U2SURP: variants seen among roughly 807,000 people sequenced by gnomAD.
U2SURP encodes the protein U2 snRNP associated SURP domain containing.
Under a neutral mutation model 144.9 loss-of-function variants are expected in U2SURP, and 9 were observed. The observed-to-expected ratio is 0.06, with a 90% CI of 0.04 to 0.11. The LOEUF is 0.11. Ranked by LOEUF, U2SURP falls within the 10% of genes least tolerant of loss-of-function variation. The pLI, the probability that U2SURP is intolerant of heterozygous loss-of-function variation, is 1.00. For synonymous variants in U2SURP, 408 were observed against 396.8 expected, an observed-to-expected ratio of 1.03 and a Z score of -0.33; for missense variants, 724 against 1,226.7, an observed-to-expected ratio of 0.59 and a Z score of 6.12.
intron 20 of U2SURP, 179 bp from the exon 21 acceptor site, chr3:143,037,000 A>T: frequency 1.7e-6 from 1 of 593,374 alleles, no homozygotes; most frequent in Non-Finnish European, 2.8e-6. Flanking sequence ...GGTAAATATT[A>T]GATAAATGCA....
In U2SURP at chr3:143,014,423, T is replaced by C. The variant is rs1237457246; in HGVS notation, c.321+14T>C. 18 of 1,548,632 alleles carry C rather than the reference T, an allele frequency of 1.2e-5. No individual in the cohort carries two copies. The highest frequency in any genetic ancestry group is 1.6e-5 in the Non-Finnish European group (18 of 1,127,496). ...TTAAAGAAAAAGGTAATGTTGAAAA[T>C]GTATTTTGAATTATCCTTGGAAATG... is the stretch of plus-strand genomic sequence containing the variant. On this transcript the variant is annotated intron_variant, in intron 4 of 27. Coordinates refer to ENST00000473835, the MANE Select transcript of U2SURP (RefSeq NM_001080415.2).
chr3:143,008,011 G>C (rs1935933865), intron 1 of U2SURP, among the ~76,000 whole-genome samples: 1 of 152,216 alleles, frequency 6.6e-6, no homozygotes, highest in South Asian at 2.1e-4. Context: ...AAAATGTCTG[G>C]TTTGCAGTAA....
At chr3:143,040,035 C>T (rs1018967038) in intron 23 of U2SURP, among the ~76,000 whole-genome samples, 1 of 151,782 alleles carries the variant, frequency 6.6e-6, no homozygotes, top group Non-Finnish European at 1.5e-5. Context: ...GTTTTCTGAA[C>T]CCTTTTTATG....
At chr3:143,042,549 A>G (rs961366210) in intron 23 of U2SURP, among the ~76,000 whole-genome samples, 1 of 151,996 alleles carries the variant, frequency 6.6e-6, no homozygotes, top group Non-Finnish European at 1.5e-5. Flanking sequence ...TGCACCTGTC[A>G]CCTGAACAAT....
At chr3:143,020,084 A>G in intron 7 of U2SURP, 48 bp downstream of exon 7, 1 of 1,167,590 alleles carries the variant, frequency 8.6e-7, no homozygotes, top group South Asian at 1.7e-5. Context: ...TATTGAGCTG[A>G]TACATAAACA....
At chr3:143,016,452 G>A (rs1936373212) in intron 5 of U2SURP, 81 bp downstream of exon 5, 2 of 1,199,464 alleles carry the variant, frequency 1.7e-6, no homozygotes, top group Middle Eastern at 2.0e-4. Context: ...TTGAATGACT[G>A]CAGGTAGATA....
chr3:143,018,867 G>A (rs962940355), intron 6 of U2SURP, among the ~76,000 whole-genome samples: 2 of 152,132 alleles, frequency 1.3e-5, no homozygotes, highest in Admixed American at 6.5e-5. Flanking sequence ...AGAGGTTGTG[G>A]TGAGCCAAGA....
intron 23 of U2SURP, among the ~76,000 whole-genome samples, chr3:143,039,274 G>T (rs1274637767): frequency 6.6e-6 from 1 of 151,774 alleles, no homozygotes; most frequent in African/African-American, 2.4e-5. Context: ...ATAAAAAGTG[G>T]TTTTTAAAAT....
chr3:143,031,586 G>A (rs1933498859), intron 16 of U2SURP, among the ~76,000 whole-genome samples: 1 of 152,174 alleles, frequency 6.6e-6, no homozygotes, highest in Non-Finnish European at 1.5e-5. Flanking sequence ...TTAAAGTAAT[G>A]TGTACATTGT....
chr3:143,032,641 A>T, intron 16 of U2SURP, 143 bp from the exon 17 acceptor site: 1 of 632,934 alleles, frequency 1.6e-6, no homozygotes, highest in Non-Finnish European at 2.5e-6. Flanking sequence ...TGGGGGACAC[A>T]ACACAAATCA....
At chr3:143,039,816 A>G (rs776067877) in intron 23 of U2SURP, among the ~76,000 whole-genome samples, 8 of 152,032 alleles carry the variant, frequency 5.3e-5, no homozygotes, top group Non-Finnish European at 7.4e-5. Flanking sequence ...TCAGCAGGCT[A>G]TAGAAACACA....
chr3:143,041,260 T>C (rs1934087721), intron 23 of U2SURP, among the ~76,000 whole-genome samples: 1 of 151,942 alleles, frequency 6.6e-6, no homozygotes, highest in Non-Finnish European at 1.5e-5. Context: ...TCTGAAACAC[T>C]TGTATAATTT....
rs899825473 is a variant in U2SURP, at chr3:143,056,934, A to T, written c.*484A>T. 6.5e-6 allele frequency: 1 copy of T among 155,016 alleles called. No homozygotes were observed. The highest frequency in any genetic ancestry group is 2.4e-5 in the African/African-American group (1 of 41,430). 9.6% of individuals were successfully genotyped at this position (155,016 alleles called of 1,614,324 possible). ...CTGTTGTGCTTCTTATACCTGATGC[A>T]CTTTATAAGCCCCAGTGTTCAAGTA... On this transcript the variant is annotated 3_prime_UTR_variant, in exon 28 of 28. Coordinates refer to ENST00000473835, the MANE Select transcript of U2SURP (RefSeq NM_001080415.2).
At position 143,020,409 on chromosome 3, in the gene U2SURP, A is replaced by G. The variant is rs970825570; in HGVS notation, c.639-190A>G. Among the ~76,000 whole-genome samples, 3 of 152,222 alleles carry G rather than the reference A, an allele frequency of 2.0e-5. No individual in the cohort carries two copies. The South Asian group carries it at 6.2e-4, about 31-fold the overall frequency. On this transcript the variant is annotated intron_variant, in intron 7 of 27. Transcript: ENST00000473835. ...AAAGTAGGCTTTGTGTTCCATTGGTAGTATGATATATCAGAAATTTGCTCG... is the reference window on the plus strand; with the variant it reads ...AAAGTAGGCTTTGTGTTCCATTGGTGGTATGATATATCAGAAATTTGCTCG...
At chr3:143,055,178 G>T (rs1935081251) in intron 27 of U2SURP, 59 bp downstream of exon 27, 3 of 1,393,228 alleles carry the variant, frequency 2.2e-6, no homozygotes, top group Admixed American at 3.2e-5. Flanking sequence ...CATTTCATCA[G>T]CTTTTGAAAA....
At chr3:143,032,563 A>T (rs1356082396) in intron 16 of U2SURP, among the ~76,000 whole-genome samples, 1 of 152,250 alleles carries the variant, frequency 6.6e-6, no homozygotes, top group Admixed American at 6.5e-5. Context: ...TTGTAAGCTG[A>T]AAACATAATT....
At chr3:143,018,150 T>A (rs1936463105) in intron 6 of U2SURP, among the ~76,000 whole-genome samples, 1 of 152,188 alleles carries the variant, frequency 6.6e-6, no homozygotes, top group South Asian at 2.1e-4. Context: ...TTTCAGAATA[T>A]TTTTATCACC....
intron 25 of U2SURP, among the ~76,000 whole-genome samples, chr3:143,052,654 T>C (rs1934947623): frequency 6.6e-6 from 1 of 152,212 alleles, no homozygotes; most frequent in Admixed American, 6.5e-5. Context: ...TGAGTAGTTG[T>C]GGCAGAGACT....
intron 16 of U2SURP, among the ~76,000 whole-genome samples, chr3:143,030,269 T>A (rs59540153): frequency 0.036 from 5,553 of 152,334 alleles, 290 homozygotes; most frequent in African/African-American, 0.11. Context: ...GCTGACTCTC[T>A]TATTAGGGGC....
Sources: gnomAD v4.1 joint callset for allele counts (sites outside exome capture counted in the v4.1 genomes callset) on GRCh38, gnomAD v4.1.1 for gene constraint, MANE v1.5 for transcripts, NCBI Gene and HGNC (gene_info 2026-07-23, HGNC 2026-07-21) for gene names.